The following ANXA10 variants were observed in gnomAD, a reference collection of about 807,000 sequenced individuals.
The protein encoded by ANXA10 is annexin 14.
In ANXA10, 49 loss-of-function variants were observed where a neutral mutation model predicts 53.5. That is an observed-to-expected ratio of 0.92 (90% CI 0.73 to 1.16). The LOEUF (loss-of-function observed/expected upper bound fraction) is 1.16. Among genes scored for constraint, ANXA10 ranks in the 50% most tolerant of loss-of-function variants. ANXA10 has a pLI of 0.00. For missense variants in ANXA10, 393 were observed against 394.4 expected (o/e 1.00, Z 0.03); for synonymous variants, 131 against 128.9 (o/e 1.02, Z -0.11).
At chr4:168,184,407 T>G in intron 10 of ANXA10, 152 bp from the exon 11 acceptor site, 1 of 823,574 alleles carries the variant, frequency 1.2e-6, no homozygotes, top group South Asian at 1.7e-5. Context: ...TGACTCAGGA[T>G]CTGAACCACA....
Position 168,162,608 on chromosome 4 carries a change from G to A in ANXA10, c.276G>A (p.Leu92=). Residue 92 remains leucine, a synonymous_variant, in exon 4 of 12, where the codon CTG becomes CTA. Coordinates refer to ENST00000359299, the MANE Select transcript of ANXA10 (RefSeq NM_007193.5). ...CTGGCCTCATGTACCCACCACCACT[G>A]TATGATGCTCATGAGCTCTGGCATG... ...VMAGLMYPPP[L]YDAHELWHAM... The A allele has an allele frequency of 6.2e-7, 1 of 1,613,936 alleles. No homozygotes were observed. Among genetic ancestry groups the A allele is most frequent in the South Asian group, 1.1e-5 (1 of 91,088 alleles).
intron 1 of ANXA10, among the ~76,000 whole-genome samples, chr4:168,096,945 T>TATATATATATAC (rs1730559242): frequency 1.3e-5 from 2 of 149,022 alleles, no homozygotes; most frequent in African/African-American, 5.0e-5. Context: ...TATATGTATA[T>TATATATATATAC]ACAATACATA....
intron 10 of ANXA10, among the ~76,000 whole-genome samples, chr4:168,183,211 G>A (rs539246749): frequency 6.6e-6 from 1 of 152,190 alleles, no homozygotes; most frequent in East Asian, 1.9e-4. Context: ...GGGAAAATAT[G>A]TTAATAGTCA....
At chr4:168,103,055 C>A (rs1730666226) in intron 1 of ANXA10, among the ~76,000 whole-genome samples, 1 of 151,932 alleles carries the variant, frequency 6.6e-6, no homozygotes. Flanking sequence ...TTGTCCTATA[C>A]ATATTCTGGA....
At chr4:168,157,497 A>G (rs1731709259) in intron 3 of ANXA10, among the ~76,000 whole-genome samples, 1 of 152,114 alleles carries the variant, frequency 6.6e-6, no homozygotes, top group Admixed American at 6.6e-5. Context: ...TGAACTCCTG[A>G]CCTGACTCTA....
chr4:168,169,802 C>T (rs558907799), intron 6 of ANXA10, among the ~76,000 whole-genome samples: 9 of 152,296 alleles, frequency 5.9e-5, no homozygotes, highest in African/African-American at 1.7e-4. Context: ...AAAATGTCAA[C>T]GATCAAAACT....
At chr4:168,185,689 G>A (rs949605135) in intron 11 of ANXA10, among the ~76,000 whole-genome samples, 1 of 152,216 alleles carries the variant, frequency 6.6e-6, no homozygotes, top group African/African-American at 2.4e-5. Flanking sequence ...ATTTCAGGAT[G>A]GGGAGAGCAG....
intron 6 of ANXA10, among the ~76,000 whole-genome samples, chr4:168,166,739 T>C (rs1334932581): frequency 1.3e-5 from 2 of 151,520 alleles, no homozygotes; most frequent in East Asian, 1.9e-4. Context: ...ATCAAAGGCA[T>C]AGTAGTTAGC....
chr4:168,172,667 T>C (rs1473293136), intron 6 of ANXA10, among the ~76,000 whole-genome samples: 3 of 152,146 alleles, frequency 2.0e-5, no homozygotes, highest in South Asian at 2.1e-4. Context: ...TATGGACAAT[T>C]AAACATAAAT....
chr4:168,096,760 A>G (rs1357203546), intron 1 of ANXA10, among the ~76,000 whole-genome samples: 2 of 151,806 alleles, frequency 1.3e-5, no homozygotes, highest in Non-Finnish European at 2.9e-5. Flanking sequence ...TCTGGAGCAT[A>G]GAAGCATCCC....
chr4:168,101,914 C>A (rs1027869786), intron 1 of ANXA10, among the ~76,000 whole-genome samples: 1 of 152,032 alleles, frequency 6.6e-6, no homozygotes, highest in African/African-American at 2.4e-5. Context: ...TCAACAACAC[C>A]GTTCTAACCT....
chr4:168,116,096 T>A (rs374524635), intron 1 of ANXA10, among the ~76,000 whole-genome samples: 2 of 151,848 alleles, frequency 1.3e-5, no homozygotes, highest in African/African-American at 4.8e-5. Context: ...GCAAAAAAAA[T>A]GGAATGCCAT....
intron 3 of ANXA10, among the ~76,000 whole-genome samples, chr4:168,156,283 A>ATATATTATAT (rs368190065): frequency 2.4e-3 from 145 of 60,128 alleles, no homozygotes; most frequent in Non-Finnish European, 3.2e-3. Context: ...ATATAATAGT[A>ATATATTATAT]TATATTATAT....
At chr4:168,094,375 T>C (rs1262882915) in intron 1 of ANXA10, among the ~76,000 whole-genome samples, 2 of 152,166 alleles carry the variant, frequency 1.3e-5, no homozygotes, top group African/African-American at 4.8e-5. Context: ...CAAGCCTGGA[T>C]GGTAAAATGG....
chr4:168,092,678 T>C lies in ANXA10; in HGVS notation c.-23T>C, dbSNP rs374213887. The C allele has an allele frequency of 1.9e-5, 30 of 1,588,078 alleles. No homozygotes were observed. Among genetic ancestry groups the C allele is most frequent in the Non-Finnish European group, 2.5e-5 (29 of 1,167,532 alleles). On this transcript the variant is annotated 5_prime_UTR_variant, in exon 1 of 12. It removes the in-frame stop codon of an upstream open reading frame in the 5' UTR. Coordinates refer to ENST00000359299, the MANE Select transcript of ANXA10 (RefSeq NM_007193.5). ...GCAATCGATCAAATATTTTCATCCC[T>C]GAGGTTAACAATTACCATCAAAATG...
intron 11 of ANXA10, among the ~76,000 whole-genome samples, chr4:168,186,011 A>G (rs1487769316): frequency 6.6e-6 from 1 of 152,238 alleles, no homozygotes; most frequent in African/African-American, 2.4e-5. Context: ...CAAAACTCTA[A>G]ACTCTTTTAG....
At chr4:168,137,418 C>T (rs1258828532) in intron 2 of ANXA10, among the ~76,000 whole-genome samples, 1 of 152,168 alleles carries the variant, frequency 6.6e-6, no homozygotes, top group East Asian at 1.9e-4. Flanking sequence ...TTTTTTAACC[C>T]TTGCCCCTCT....
At chr4:168,183,176 ACTT>A (rs770976556) in intron 10 of ANXA10, among the ~76,000 whole-genome samples, 2 of 152,204 alleles carry the variant, frequency 1.3e-5, no homozygotes, top group African/African-American at 2.4e-5. Context: ...TAACAGATAT[ACTT>A]CTTAAAAGTA....
intron 1 of ANXA10, among the ~76,000 whole-genome samples, chr4:168,121,759 A>G (rs1730988436): frequency 6.6e-6 from 1 of 152,104 alleles, no homozygotes; most frequent in Admixed American, 6.5e-5. Context: ...TTTTTCATTG[A>G]ACATGTTCTT....
Sources: allele counts gnomAD v4.1 joint callset (sites outside exome capture counted in the v4.1 genomes callset), GRCh38; gene constraint gnomAD v4.1.1; transcripts MANE v1.5; gene names NCBI Gene and HGNC (gene_info 2026-07-23, HGNC 2026-07-21).